Variants in SLC6A6 observed in about 807,000 individuals in gnomAD.
The protein encoded by SLC6A6 is solute carrier family 6 member 6.
In SLC6A6, 16 loss-of-function variants were observed where a neutral mutation model predicts 68.8. The ratio of observed to expected loss-of-function variants is 0.23; its 90% CI spans 0.16 to 0.35. The LOEUF is 0.35. SLC6A6 is among the 10% of genes least tolerant of loss of function. SLC6A6 has a pLI of 1.00. For synonymous variants in SLC6A6, 312 were observed against 315.4 expected (o/e 0.99, Z 0.12); for missense variants, 474 against 802.8 (o/e 0.59, Z 4.95).
intron 14 of SLC6A6, among the ~76,000 whole-genome samples, chr3:14,484,527 G>A (rs745516601): frequency 2.6e-5 from 4 of 152,164 alleles, no homozygotes; most frequent in Non-Finnish European, 5.9e-5. Context: ...AGAAATCAGA[G>A]GGAGAGAATC....
At chr3:14,419,966 C>T (rs973024360) in intron 2 of SLC6A6, among the ~76,000 whole-genome samples, 3 of 152,186 alleles carry the variant, frequency 2.0e-5, no homozygotes, top group African/African-American at 7.2e-5. Flanking sequence ...GCCCCGCACC[C>T]ATTGTAAACT....
intron 3 of SLC6A6, among the ~76,000 whole-genome samples, chr3:14,445,283 T>C (rs1700090290): frequency 1.3e-5 from 2 of 151,322 alleles, no homozygotes; most frequent in African/African-American, 4.9e-5. Flanking sequence ...TAGCCGGGCG[T>C]GGTGGCGGGC....
rs937153471 is a variant in SLC6A6, at chr3:14,472,477, A to G, written c.1209+160A>G. ...GGTTCCTCCAGGACACCAGGAATAG[A>G]AAAAGCTCTGCGTCCCCAGAAAGTG... On this transcript the variant is annotated intron_variant, in intron 10 of 14. Coordinates refer to ENST00000622186, the MANE Select transcript of SLC6A6 (RefSeq NM_003043.6). The surrounding 1 kb of genome is among the most constrained non-coding windows in gnomAD (Gnocchi z 4.5). Among the ~76,000 whole-genome samples the G allele has an allele frequency of 6.6e-6, 1 of 152,220 alleles. No homozygotes were observed. Among genetic ancestry groups the G allele is most frequent in the Non-Finnish European group, 1.5e-5 (1 of 68,040 alleles).
chr3:14,410,276 C>A (rs528765996), intron 1 of SLC6A6, among the ~76,000 whole-genome samples: 9 of 152,114 alleles, frequency 5.9e-5, no homozygotes, highest in Non-Finnish European at 1.0e-4. Context: ...TGAACCCCCC[C>A]TTGACAGGGA....
chr3:14,484,801 G>A, intron 14 of SLC6A6, 66 bp from the exon 15 acceptor site: 1 of 1,552,194 alleles, frequency 6.4e-7, no homozygotes, highest in Non-Finnish European at 8.8e-7. Context: ...GGAGGCAGAT[G>A]GCCCTGGCGA....
rs529343054 is a variant in SLC6A6, at chr3:14,419,034, T to C, written c.-12+2581T>C. On this transcript the variant is annotated intron_variant, in intron 2 of 14. Coordinates refer to ENST00000622186, the MANE Select transcript of SLC6A6 (RefSeq NM_003043.6). Reference sequence around the variant, plus strand: ...CGTGAGGCTGGAATGTGAGTTCTGCTTCCAGATAGAGTCTTGTGCAAGGGG... The same window carrying C: ...CGTGAGGCTGGAATGTGAGTTCTGCCTCCAGATAGAGTCTTGTGCAAGGGG... Among the ~76,000 whole-genome samples the C allele has an allele frequency of 7.9e-5, 12 of 152,360 alleles. No individual in the cohort carries two copies. The South Asian group carries it at 1.2e-3, about 16-fold the overall frequency.
rs1281496385 is a variant in SLC6A6 at position 14,468,290 on chromosome 3, A to G, written c.1096+78A>G. ...CCAAGTACTGCAGGCATGAAGCCAG[A>G]CCCCAGGGGGCTTTGAGGGGGGACG... On this transcript the variant is annotated intron_variant, in intron 9 of 14. Transcript: ENST00000622186. This position sits in a 1 kb window ranked among gnomAD's most constrained non-coding sequence, Gnocchi z 4.5. 9.9e-6 allele frequency: 13 copies of G among 1,307,818 alleles called. No individual in the cohort carries two copies. Among genetic ancestry groups the G allele is most frequent in the Non-Finnish European group, 1.3e-5 (13 of 967,096 alleles). The allele number at this position is 1,307,818 out of a possible 1,614,324, so 81.0% of individuals were successfully genotyped here. A position where few individuals can be genotyped will look rare whatever the true frequency, so the allele number is the denominator to read the frequency against.
chr3:14,430,527 G>A (rs922019507), intron 2 of SLC6A6, among the ~76,000 whole-genome samples: 13 of 152,228 alleles, frequency 8.5e-5, no homozygotes, highest in African/African-American at 3.1e-4. Context: ...GTTGAGAAGC[G>A]TCGGTCCTCC....
Position 14,481,087 on chromosome 3 carries a change from T to C in SLC6A6, c.1552-584T>C, listed in dbSNP as rs1265111830. 1.3e-5 allele frequency among the ~76,000 whole-genome samples: 2 copies of C among 152,176 alleles called. No homozygotes were observed. The highest frequency in any genetic ancestry group is 3.9e-4 in the East Asian group (2 of 5,186). Reference sequence around the variant, plus strand: ...ATGTACCTGGAGCTGCACTGGGTGTTAAAGAACTAGGACAAGACACACACA... The same window carrying C: ...ATGTACCTGGAGCTGCACTGGGTGTCAAAGAACTAGGACAAGACACACACA... On this transcript the variant is annotated intron_variant, in intron 13 of 14. Transcript: ENST00000622186. This position sits in a 1 kb window ranked among gnomAD's most constrained non-coding sequence, Gnocchi z 4.7.
In SLC6A6 at chr3:14,487,077, C is replaced by T. The variant is rs188170251; in HGVS notation, c.*2070C>T. On this transcript the variant is annotated 3_prime_UTR_variant, in exon 15 of 15. Coordinates refer to ENST00000622186, the MANE Select transcript of SLC6A6 (RefSeq NM_003043.6). ...TGTCAATGATTGAGGGCAGGTGGCACGTGGGGAAGAGGGGACTTGGCACGC... is the reference window on the plus strand; with the variant it reads ...TGTCAATGATTGAGGGCAGGTGGCATGTGGGGAAGAGGGGACTTGGCACGC... 5.9e-5 allele frequency: 9 copies of T among 152,698 alleles called. No homozygotes were observed. Among genetic ancestry groups the T allele is most frequent in the East Asian group, 1.9e-4 (1 of 5,188 alleles). 9.5% of individuals were successfully genotyped at this position (152,698 alleles called of 1,614,324 possible). A position where few individuals can be genotyped will look rare whatever the true frequency, so the allele number is the denominator to read the frequency against.
At chr3:14,443,373 G>A (rs999827053) in intron 2 of SLC6A6, among the ~76,000 whole-genome samples, 34 of 152,192 alleles carry the variant, frequency 2.2e-4, no homozygotes, top group African/African-American at 6.7e-4. Context: ...GCAGGTGCCC[G>A]GGGAATGGAC....
chr3:14,405,672 G>T (rs547243242), intron 1 of SLC6A6, among the ~76,000 whole-genome samples: 3 of 152,222 alleles, frequency 2.0e-5, no homozygotes, highest in African/African-American at 7.2e-5. Context: ...TGGCCAGAGC[G>T]TTCGTTTGAA....
chr3:14,436,798 C>T (rs956379804), intron 2 of SLC6A6, among the ~76,000 whole-genome samples: 4 of 152,134 alleles, frequency 2.6e-5, no homozygotes, highest in Admixed American at 2.6e-4. Flanking sequence ...ATTAGCTGGC[C>T]TGGCCCAGCC....
chr3:14,415,466 C>CA (rs1699341861), intron 1 of SLC6A6, among the ~76,000 whole-genome samples: 3 of 152,216 alleles, frequency 2.0e-5, no homozygotes, highest in Non-Finnish European at 4.4e-5. Context: ...TCTGCTCTCC[C>CA]AGACCCACCC....
intron 2 of SLC6A6, among the ~76,000 whole-genome samples, chr3:14,428,131 C>G (rs757874047): frequency 6.6e-6 from 1 of 152,194 alleles, no homozygotes; most frequent in Non-Finnish European, 1.5e-5. Flanking sequence ...ATGGGGACCC[C>G]AGGATCCCCC....
intron 2 of SLC6A6, among the ~76,000 whole-genome samples, chr3:14,435,597 C>T (rs999035927): frequency 6.6e-6 from 1 of 152,224 alleles, no homozygotes; most frequent in Non-Finnish European, 1.5e-5. Flanking sequence ...CCGGGACAAG[C>T]CATCAGGGCT....
In SLC6A6 at chr3:14,426,920, G is replaced by A. The variant is rs188621495; in HGVS notation, c.-12+10467G>A. On this transcript the variant is annotated intron_variant, in intron 2 of 14. Transcript: ENST00000622186. ...GGGAATGGCAGGGCCTCCCAGAAAC[G>A]GCGTGGCGATGGGGGTTCTGTGATA... Among the ~76,000 whole-genome samples, 234 of 152,262 alleles carry A rather than the reference G, an allele frequency of 1.5e-3. 1 individual carries two copies. Among genetic ancestry groups the A allele is most frequent in the Middle Eastern group, 0.014 (4 of 294 alleles).
chr3:14,475,539 A>G (rs754488642), intron 10 of SLC6A6, among the ~76,000 whole-genome samples: 4 of 152,184 alleles, frequency 2.6e-5, no homozygotes, highest in Non-Finnish European at 5.9e-5. Flanking sequence ...TGAGGCTCGG[A>G]GAAGCCAATC....
chr3:14,449,390 A>G (rs1190429389), intron 5 of SLC6A6, among the ~76,000 whole-genome samples: 1 of 152,212 alleles, frequency 6.6e-6, no homozygotes, highest in Admixed American at 6.5e-5. Flanking sequence ...TTCACAGACA[A>G]AGAAAGGCTG....
Sources: gnomAD v4.1 joint callset for allele counts (sites outside exome capture counted in the v4.1 genomes callset) on GRCh38, gnomAD v4.1.1 for gene constraint, Gnocchi (gnomAD v3.1) non-coding constraint, MANE v1.5 for transcripts, NCBI Gene and HGNC (gene_info 2026-07-23, HGNC 2026-07-21) for gene names.